Variants in FHIT observed in about 807,000 individuals in gnomAD.
FHIT encodes the protein fragile histidine triad diadenosine triphosphatase, also known as bis(5'-adenosyl)-triphosphatase.
Under a neutral mutation model 17.9 loss-of-function variants are expected in FHIT, and 19 were observed. The ratio of observed to expected loss-of-function variants is 1.06; its 90% CI spans 0.74 to 1.56. The LOEUF (loss-of-function observed/expected upper bound fraction) is 1.56. Among genes scored for constraint, FHIT ranks in the 40% most tolerant of loss-of-function variants. The pLI is 0.00. For synonymous variants in FHIT, 81 were observed against 69.7 expected, an observed-to-expected ratio of 1.16 and a Z score of -0.81; for missense variants, 248 against 189.2, an observed-to-expected ratio of 1.31 and a Z score of -1.82.
intron 5 of FHIT, among the ~76,000 whole-genome samples, chr3:60,307,876 T>A (rs1349921953): frequency 6.6e-6 from 1 of 151,902 alleles, no homozygotes; most frequent in Non-Finnish European, 1.5e-5. Context: ...ACACATGTGG[T>A]TCGGCACACA....
intron 8 of FHIT, among the ~76,000 whole-genome samples, chr3:59,833,396 G>C (rs933726778): frequency 6.6e-6 from 1 of 152,150 alleles, no homozygotes; most frequent in African/African-American, 2.4e-5. Context: ...TGAAGACAGA[G>C]ATTGGAGTGA....
intron 5 of FHIT, among the ~76,000 whole-genome samples, chr3:60,263,806 A>T (rs1403645061): frequency 6.6e-6 from 1 of 151,970 alleles, no homozygotes; most frequent in Non-Finnish European, 1.5e-5. Flanking sequence ...AACTAAAGAA[A>T]TAAAGTCTTT....
chr3:59,854,026 T>TA (rs201787993), intron 8 of FHIT, among the ~76,000 whole-genome samples: 8,551 of 151,774 alleles, frequency 0.056, 308 homozygotes, highest in Non-Finnish European at 0.08. Flanking sequence ...AACAGACTTC[T>TA]AAAAAAAACA....
chr3:60,007,530 A>G (rs1354266008), intron 7 of FHIT, among the ~76,000 whole-genome samples: 2 of 152,210 alleles, frequency 1.3e-5, no homozygotes, highest in East Asian at 3.8e-4. Context: ...GGCATAGAAA[A>G]TAAACCGGAG....
intron 2 of FHIT, among the ~76,000 whole-genome samples, chr3:61,156,583 A>T (rs935519882): frequency 6.6e-6 from 1 of 152,118 alleles, no homozygotes; most frequent in Non-Finnish European, 1.5e-5. Flanking sequence ...TACATTTAAA[A>T]TTTTAAATAG....
chr3:59,961,589 G>C (rs1707685100), intron 7 of FHIT, among the ~76,000 whole-genome samples: 1 of 152,110 alleles, frequency 6.6e-6, no homozygotes, highest in South Asian at 2.1e-4. Context: ...GAAGACCATG[G>C]GAAAAGCGTG....
At chr3:60,996,996 C>T (rs887129504) in intron 3 of FHIT, among the ~76,000 whole-genome samples, 13 of 152,178 alleles carry the variant, frequency 8.5e-5, no homozygotes, top group Non-Finnish European at 1.3e-4. Flanking sequence ...TTATTAACTC[C>T]CTGAATATTT....
intron 5 of FHIT, among the ~76,000 whole-genome samples, chr3:60,508,982 C>G (rs1194899981): frequency 2.0e-5 from 3 of 152,172 alleles, no homozygotes; most frequent in African/African-American, 7.2e-5. Flanking sequence ...GATTCCCTCT[C>G]TAGACCCACA....
At chr3:60,518,583 A>G (rs1291670523) in intron 5 of FHIT, among the ~76,000 whole-genome samples, 1 of 152,232 alleles carries the variant, frequency 6.6e-6, no homozygotes, top group Non-Finnish European at 1.5e-5. Context: ...ATTCCAGTTT[A>G]AGAAATTTAG....
rs75196543 is a variant in FHIT at position 59,890,625 on chromosome 3, G to T, written c.348+31721C>A. Among the ~76,000 whole-genome samples, 6 of 152,196 alleles carry T rather than the reference G, an allele frequency of 3.9e-5. No homozygotes were observed. In the East Asian group the frequency reaches 9.7e-4, roughly 25 times the overall value. On this transcript the variant is annotated intron_variant, in intron 8 of 9. Coordinates refer to ENST00000492590, the MANE Select transcript of FHIT (RefSeq NM_002012.4). Reference sequence around the variant, plus strand: ...TCTGAAATCAGCCAAACCAGCTTATGCATCTTAGCAGTCTTAAATCAGCGT... The same window carrying T: ...TCTGAAATCAGCCAAACCAGCTTATTCATCTTAGCAGTCTTAAATCAGCGT...
rs537024476 is a variant in FHIT, at chr3:60,242,173, T to C, written c.104-228021A>G. On this transcript the variant is annotated intron_variant, in intron 5 of 9. Transcript: ENST00000492590. The stretch of plus-strand genomic sequence containing the variant: ...CTTCTCCAGTATGAATAAGAATGTA[T>C]ACAAGAGGATGTTAATGAAAACAAT... Among the ~76,000 whole-genome samples the C allele has an allele frequency of 8.3e-4, 127 of 152,260 alleles. 1 individual carries two copies. The highest frequency in any genetic ancestry group is 1.4e-3 in the Non-Finnish European group (98 of 68,004).
chr3:59,975,136 T>C (rs547561365), intron 7 of FHIT, among the ~76,000 whole-genome samples: 45 of 152,294 alleles, frequency 3.0e-4, no homozygotes, highest in African/African-American at 1.1e-3. Context: ...GAAGCTAGGA[T>C]ACAGGGGATT....
intron 8 of FHIT, among the ~76,000 whole-genome samples, chr3:59,832,251 G>A (rs545864120): frequency 3.6e-4 from 55 of 152,238 alleles, no homozygotes; most frequent in Middle Eastern, 6.8e-3. Context: ...GGAGCAAATC[G>A]AGGGGCAAAA....
chr3:60,713,690 A>G (rs1322960562), intron 4 of FHIT, among the ~76,000 whole-genome samples: 1 of 152,224 alleles, frequency 6.6e-6, no homozygotes, highest in South Asian at 2.1e-4. Context: ...GAAATGGATA[A>G]ATTCCTCGAC....
At position 60,422,852 on chromosome 3, in the gene FHIT, T is replaced by G. The variant is rs180692143; in HGVS notation, c.103+114008A>C. 7.8e-3 allele frequency among the ~76,000 whole-genome samples: 1,183 copies of G among 152,192 alleles called. 6 individuals are homozygous for G. The highest frequency in any genetic ancestry group is 0.012 in the Non-Finnish European group (823 of 67,998). ...TGAGATCCAAATTCTTCAACCTAGT[T>G]TAAATGGTTCTATGCCAGGGCTCTC... On this transcript the variant is annotated intron_variant, in intron 5 of 9. Coordinates refer to ENST00000492590, the MANE Select transcript of FHIT (RefSeq NM_002012.4).
At chr3:60,574,759 G>A (rs1369494651) in intron 4 of FHIT, among the ~76,000 whole-genome samples, 1 of 151,988 alleles carries the variant, frequency 6.6e-6, no homozygotes, top group African/African-American at 2.4e-5. Flanking sequence ...TTTATAGAGT[G>A]CTCCCTGCTC....
chr3:59,885,879 G>C (rs73839566), intron 8 of FHIT, among the ~76,000 whole-genome samples: 1 of 152,134 alleles, frequency 6.6e-6, no homozygotes, highest in African/African-American at 2.4e-5. Context: ...AAACTAGCAG[G>C]CAGGCAGGCC....
At chr3:59,906,189 T>C (rs1704577279) in intron 8 of FHIT, among the ~76,000 whole-genome samples, 2 of 152,230 alleles carry the variant, frequency 1.3e-5, no homozygotes, top group South Asian at 4.1e-4. Flanking sequence ...TACAGAGAGC[T>C]GGAGCTTGAA....
chr3:60,492,307 A>C (rs17063317), intron 5 of FHIT, among the ~76,000 whole-genome samples: 1,560 of 152,344 alleles, frequency 0.01, 18 homozygotes, highest in East Asian at 0.051. Flanking sequence ...CTGTGGTCAC[A>C]AAGTCAAATA....
Sources: gnomAD v4.1 joint callset for allele counts (sites outside exome capture counted in the v4.1 genomes callset) on GRCh38, gnomAD v4.1.1 for gene constraint, MANE v1.5 for transcripts, NCBI Gene and HGNC (gene_info 2026-07-23, HGNC 2026-07-21) for gene names.